Variants in BBOX1 observed in about 807,000 individuals in gnomAD.
BBOX1 encodes the protein gamma-butyrobetaine dioxygenase.
A neutral mutation model predicts 41.6 loss-of-function variants in BBOX1; 35 were observed. That is an observed-to-expected ratio of 0.84 (90% CI 0.64 to 1.11). The LOEUF (loss-of-function observed/expected upper bound fraction) is 1.11, where lower values mean the gene tolerates loss of function less well. Ranked by LOEUF, BBOX1 falls within the 50% of genes most tolerant of loss-of-function variation. BBOX1 has a pLI of 0.00. For missense variants in BBOX1, 458 were observed against 460.6 expected (o/e 0.99, Z 0.05); for synonymous variants, 163 against 154.7 (o/e 1.05, Z -0.40).
intron 5 of BBOX1, among the ~76,000 whole-genome samples, chr11:27,115,230 T>C (rs1859214570): frequency 6.6e-6 from 1 of 152,048 alleles, no homozygotes; most frequent in Middle Eastern, 3.4e-3. Context: ...TAGACTGATG[T>C]ACTCTTTTGT....
intron 4 of BBOX1, among the ~76,000 whole-genome samples, chr11:27,058,946 T>A (rs1482378890): frequency 6.6e-6 from 1 of 152,224 alleles, no homozygotes; most frequent in Admixed American, 6.5e-5. Flanking sequence ...TCAAGCAGAC[T>A]GTGGATCAAC....
At chr11:27,069,724 T>C (rs1019526734) in intron 4 of BBOX1, among the ~76,000 whole-genome samples, 5 of 152,134 alleles carry the variant, frequency 3.3e-5, no homozygotes, top group Non-Finnish European at 7.4e-5. Context: ...AAGTTATGCC[T>C]TTAACTTTTC....
intron 2 of BBOX1, among the ~76,000 whole-genome samples, chr11:27,050,804 T>C (rs1266740066): frequency 6.6e-6 from 1 of 152,136 alleles, no homozygotes; most frequent in Non-Finnish European, 1.5e-5. Flanking sequence ...TAGTTCTTCC[T>C]TTCAGATTTG....
intron 5 of BBOX1, among the ~76,000 whole-genome samples, chr11:27,094,867 G>A (rs1041216573): frequency 6.6e-6 from 1 of 151,958 alleles, no homozygotes; most frequent in African/African-American, 2.4e-5. Flanking sequence ...AAGAATTTGA[G>A]CTGCCCTAGA....
chr11:27,093,532 A>T (rs1858325731), intron 5 of BBOX1, among the ~76,000 whole-genome samples, 166 bp downstream of exon 5: 1 of 151,966 alleles, frequency 6.6e-6, no homozygotes, highest in South Asian at 2.1e-4. Context: ...GAGAATGATA[A>T]TTTTTTAAGA....
chr11:27,125,397 A>G (rs1859615546), intron 7 of BBOX1, among the ~76,000 whole-genome samples: 1 of 152,118 alleles, frequency 6.6e-6, no homozygotes, highest in South Asian at 2.1e-4. Context: ...TTTAACTTGA[A>G]TCTCTCAGTA....
At chr11:27,121,045 G>A (rs1456454725) in intron 7 of BBOX1, among the ~76,000 whole-genome samples, 1 of 152,152 alleles carries the variant, frequency 6.6e-6, no homozygotes, top group African/African-American at 2.4e-5. Context: ...AGCAAGATAA[G>A]GGGAATCTGT....
chr11:27,127,600 T>C lies in BBOX1; in HGVS notation c.*147T>C, dbSNP rs2134123426. The C allele has an allele frequency of 3.2e-6, 3 of 923,402 alleles. No individual in the cohort carries two copies. The highest frequency in any genetic ancestry group is 1.7e-5 in the African/African-American group (1 of 59,520). The allele number at this position is 923,402 out of a possible 1,614,324, so 57.2% of individuals were successfully genotyped here. ...TTCTCTCACAAGAGTACTCTTTACT[T>C]TGTAATCATATACAATGTCAACTTT... On this transcript the variant is annotated 3_prime_UTR_variant, in exon 9 of 9. Transcript: ENST00000263182.
At chr11:27,057,352 C>T in intron 4 of BBOX1, 37 bp downstream of exon 4, 1 of 1,485,850 alleles carries the variant, frequency 6.7e-7, no homozygotes, top group Non-Finnish European at 9.3e-7. Flanking sequence ...TTTTTAAACC[C>T]TTACAGTAAA....
At chr11:27,046,381 A>G (rs1851488795) in intron 2 of BBOX1, 1 of 152,042 alleles carries the variant, frequency 6.6e-6, no homozygotes, top group Non-Finnish European at 1.5e-5. Flanking sequence ...ACAAACTTCT[A>G]TTACTCTGAA....
At chr11:27,053,864 G>C (rs888423295) in intron 2 of BBOX1, among the ~76,000 whole-genome samples, 1 of 152,056 alleles carries the variant, frequency 6.6e-6, no homozygotes, top group Non-Finnish European at 1.5e-5. Flanking sequence ...TTCCAAAGCA[G>C]AAATAAGCAT....
intron 4 of BBOX1, among the ~76,000 whole-genome samples, chr11:27,089,279 T>C (rs1858152712): frequency 6.6e-6 from 1 of 152,026 alleles, no homozygotes; most frequent in Non-Finnish European, 1.5e-5. Flanking sequence ...GTAGCTATGA[T>C]ATTGGACAGC....
chr11:27,110,048 C>T (rs1297611432), intron 5 of BBOX1, among the ~76,000 whole-genome samples: 2 of 151,984 alleles, frequency 1.3e-5, no homozygotes, highest in African/African-American at 2.4e-5. Flanking sequence ...GGTTTCTGAA[C>T]CTGAAAACCT....
chr11:27,043,650 G>T (rs1229061511), intron 2 of BBOX1, among the ~76,000 whole-genome samples: 1 of 152,064 alleles, frequency 6.6e-6, no homozygotes, highest in East Asian at 1.9e-4. Context: ...GTGTCCATGT[G>T]TTCTCATTGT....
At chr11:27,105,984 C>T (rs1858851324) in intron 5 of BBOX1, among the ~76,000 whole-genome samples, 2 of 152,024 alleles carry the variant, frequency 1.3e-5, no homozygotes, top group South Asian at 4.1e-4. Flanking sequence ...TCATATCTAG[C>T]CAAACTAAGC....
intron 5 of BBOX1, among the ~76,000 whole-genome samples, chr11:27,102,237 G>A (rs1858688865): frequency 6.6e-6 from 1 of 152,070 alleles, no homozygotes; most frequent in Non-Finnish European, 1.5e-5. Context: ...AAGAAAGGAA[G>A]TGAATACCAT....
intron 3 of BBOX1, among the ~76,000 whole-genome samples, chr11:27,056,805 C>G (rs527637111): frequency 6.6e-6 from 1 of 151,648 alleles, no homozygotes; most frequent in Non-Finnish European, 1.5e-5. Context: ...TGGTGGCTCA[C>G]GCCTGTAATC....
intron 4 of BBOX1, among the ~76,000 whole-genome samples, chr11:27,087,629 G>T: frequency 6.6e-6 from 1 of 152,022 alleles, no homozygotes; most frequent in Non-Finnish European, 1.5e-5. Context: ...AACTCCAAGG[G>T]TATGTCTATA....
chr11:27,108,466 T>C (rs1205767305), intron 5 of BBOX1, among the ~76,000 whole-genome samples: 1 of 152,136 alleles, frequency 6.6e-6, no homozygotes. Context: ...TTTGATCTCC[T>C]TAAATCTCTT....
Sources: gnomAD v4.1 joint callset for allele counts (sites outside exome capture counted in the v4.1 genomes callset) on GRCh38, gnomAD v4.1.1 for gene constraint, MANE v1.5 for transcripts, NCBI Gene and HGNC (gene_info 2026-07-23, HGNC 2026-07-21) for gene names.